MEF2C: variants seen among roughly 807,000 people sequenced by gnomAD.
MEF2C encodes the protein myocyte enhancer factor 2C, also known as myocyte-specific enhancer factor 2C.
In MEF2C, 6 loss-of-function variants were observed where a neutral mutation model predicts 50.5. The ratio of observed to expected loss-of-function variants is 0.12; its 90% CI spans 0.07 to 0.23. The LOEUF is 0.23. Ranked by LOEUF, MEF2C falls within the 10% of genes least tolerant of loss-of-function variation. MEF2C has a pLI of 1.00. For synonymous variants in MEF2C, 183 were observed against 228.0 expected (o/e 0.80, Z 1.78); for missense variants, 276 against 605.0 (o/e 0.46, Z 5.70).
At chr5:88,868,360 G>A (rs1486980021) in intron 1 of MEF2C, among the ~76,000 whole-genome samples, 4 of 152,114 alleles carry the variant, frequency 2.6e-5, no homozygotes, top group African/African-American at 4.8e-5. Context: ...GCTAAGAGGC[G>A]TAAGCTTTTC....
intron 1 of MEF2C, among the ~76,000 whole-genome samples, chr5:88,896,861 C>T (rs1308566936): frequency 6.6e-6 from 1 of 152,038 alleles, no homozygotes; most frequent in Non-Finnish European, 1.5e-5. Flanking sequence ...TTCATTCTTT[C>T]CTTCCTTCCT....
At chr5:88,749,179 T>C in intron 5 of MEF2C, 62 bp from the exon 6 acceptor site, 2 of 1,467,788 alleles carry the variant, frequency 1.4e-6, no homozygotes, top group Non-Finnish European at 1.8e-6. Flanking sequence ...CAAAACACTT[T>C]ACCTTCAGCA....
intron 3 of MEF2C, among the ~76,000 whole-genome samples, chr5:88,794,379 A>G (rs562333765): frequency 1.3e-5 from 2 of 152,122 alleles, no homozygotes; most frequent in South Asian, 4.2e-4. Flanking sequence ...TTTGATTTGC[A>G]TTTCTCTAAT....
intron 3 of MEF2C, chr5:88,769,840 C>A (rs1330892524): frequency 2.4e-6 from 1 of 422,450 alleles, no homozygotes; most frequent in Non-Finnish European, 3.2e-6. Flanking sequence ...GAGATGGGGT[C>A]TCACAATGTT....
chr5:88,725,762 A>G (rs999396858), intron 10 of MEF2C, among the ~76,000 whole-genome samples: 6 of 152,160 alleles, frequency 3.9e-5, no homozygotes, highest in Non-Finnish European at 7.4e-5. Context: ...TTAGACTATC[A>G]AACTATATTT....
chr5:88,815,280 G>A (rs1320028986), intron 2 of MEF2C, among the ~76,000 whole-genome samples: 2 of 152,016 alleles, frequency 1.3e-5, no homozygotes, highest in African/African-American at 4.8e-5. Context: ...GTCATAACAG[G>A]AAGAGTGTAA....
chr5:88,747,026 A>G (rs181266308), intron 6 of MEF2C, among the ~76,000 whole-genome samples: 83 of 152,314 alleles, frequency 5.4e-4, no homozygotes, highest in Middle Eastern at 3.4e-3. Context: ...TCTCATACCT[A>G]TGGTAGAGGT....
At chr5:88,866,408 A>G (rs1320448048) in intron 1 of MEF2C, among the ~76,000 whole-genome samples, 3 of 152,222 alleles carry the variant, frequency 2.0e-5, no homozygotes, top group Non-Finnish European at 4.4e-5. Flanking sequence ...AAGCTTGTAT[A>G]TCTGGTAATT....
chr5:88,873,546 C>T (rs148933218), intron 1 of MEF2C, among the ~76,000 whole-genome samples: 1 of 151,584 alleles, frequency 6.6e-6, no homozygotes, highest in Admixed American at 6.6e-5. Context: ...ATGAGAGAAG[C>T]GGAGGGAAAA....
upstream of MEF2C, among the ~76,000 whole-genome samples, chr5:88,883,918 A>G (rs1833693037): frequency 6.6e-6 from 1 of 152,222 alleles, no homozygotes; most frequent in Non-Finnish European, 1.5e-5. Context: ...CAGTACCTCA[A>G]TCAAGCACTT....
intron 2 of MEF2C, among the ~76,000 whole-genome samples, chr5:88,811,104 TTC>T (rs1802594249): frequency 1.3e-5 from 2 of 152,120 alleles, no homozygotes; most frequent in African/African-American, 2.4e-5. Flanking sequence ...GCATATTCAG[TTC>T]TGAGGGTGAC....
intron 5 of MEF2C, among the ~76,000 whole-genome samples, chr5:88,750,729 T>C (rs974024598): frequency 1.3e-5 from 2 of 152,222 alleles, no homozygotes; most frequent in African/African-American, 2.4e-5. Context: ...TTTGTATACA[T>C]TTCCCAGACT....
At chr5:88,771,320 G>A (rs887755848) in intron 3 of MEF2C, 4 of 564,534 alleles carry the variant, frequency 7.1e-6, no homozygotes, top group South Asian at 7.7e-5. Flanking sequence ...TTTGATATAC[G>A]CCATTCCATC....
intron 3 of MEF2C, among the ~76,000 whole-genome samples, chr5:88,778,957 T>C (rs528983727): frequency 1.3e-4 from 20 of 152,254 alleles, no homozygotes; most frequent in Non-Finnish European, 2.8e-4. Flanking sequence ...CTGACTCTGC[T>C]TCCGCAGTAG....
chr5:88,790,829 C>T (rs1484186210), intron 3 of MEF2C, among the ~76,000 whole-genome samples: 2 of 152,068 alleles, frequency 1.3e-5, no homozygotes, highest in South Asian at 2.1e-4. Flanking sequence ...GCTGGAGGTA[C>T]AGAGATGAAC....
At chr5:88,799,870 T>TCACA (rs60340884) in intron 3 of MEF2C, among the ~76,000 whole-genome samples, 443 of 107,474 alleles carry the variant, frequency 4.1e-3, no homozygotes, top group Non-Finnish European at 5.3e-3. Context: ...TCTCTCTCTC[T>TCACA]CACACACACA....
chr5:88,857,698 C>G (rs143927185), intron 1 of MEF2C, among the ~76,000 whole-genome samples: 2 of 152,184 alleles, frequency 1.3e-5, no homozygotes, highest in Non-Finnish European at 2.9e-5. Context: ...CTTACTCCTT[C>G]GCTCAAAACT....
At position 88,862,102 on chromosome 5, in the gene MEF2C, G is replaced by A. The variant is rs540510230; in HGVS notation, c.-143+20853C>T. ...GAAGGTAACGTTATCTAGCAGCTGC[G>A]ACCAAAAGGTTTACAGACTTGGAAT... On this transcript the variant is annotated intron_variant, in intron 1 of 10. Transcript: ENST00000504921. Among the ~76,000 whole-genome samples, 14 of 152,198 alleles carry A rather than the reference G, an allele frequency of 9.2e-5. No individual in the cohort carries two copies. In the South Asian group the frequency reaches 1.5e-3, roughly 16 times the overall value.
intron 3 of MEF2C, among the ~76,000 whole-genome samples, chr5:88,799,870 T>TCACACACACACA (rs60340884): frequency 1.5e-4 from 16 of 107,406 alleles, no homozygotes; most frequent in African/African-American, 5.1e-4. Context: ...TCTCTCTCTC[T>TCACACACACACA]CACACACACA....
Sources: allele counts gnomAD v4.1 joint callset (sites outside exome capture counted in the v4.1 genomes callset), GRCh38; gene constraint gnomAD v4.1.1; transcripts MANE v1.5; gene names NCBI Gene and HGNC (gene_info 2026-07-23, HGNC 2026-07-21).